STK33: variants seen among roughly 807,000 people sequenced by gnomAD.
STK33 encodes the protein serine/threonine kinase 33, also known as serine/threonine-protein kinase 33.
STK33 carries 52 observed loss-of-function variants against 58.0 expected under a neutral mutation model. That is an observed-to-expected ratio of 0.90 (90% CI 0.72 to 1.13). The LOEUF (loss-of-function observed/expected upper bound fraction) is 1.13, where lower values mean the gene tolerates loss of function less well. STK33 is among the 50% of genes most tolerant of loss of function. The probability of loss-of-function intolerance (pLI) is 0.00; values close to 1 mark genes in which losing one functional copy is unlikely to be tolerated. For synonymous variants in STK33, 215 were observed against 200.1 expected (o/e 1.07, Z -0.63); for missense variants, 630 against 604.2 (o/e 1.04, Z -0.45).
At chr11:8,460,927 T>C (rs760756649) in intron 8 of STK33, among the ~76,000 whole-genome samples, 6 of 152,162 alleles carry the variant, frequency 3.9e-5, no homozygotes, top group South Asian at 2.1e-4. Context: ...ACAACCCAAA[T>C]TGACTATTAC....
the STK33 span, among the ~76,000 whole-genome samples, chr11:8,363,855 A>G: frequency 2.0e-5 from 3 of 152,210 alleles, no homozygotes; most frequent in African/African-American, 7.2e-5. Flanking sequence ...ATTCTGATGC[A>G]ATTTTAGACA....
At chr11:8,508,266 C>CTTTTT (rs34759366) in intron 1 of STK33, among the ~76,000 whole-genome samples, 7,786 of 114,038 alleles carry the variant, frequency 0.068, 886 homozygotes, top group African/African-American at 0.21. Context: ...ACCTTCTATT[C>CTTTTT]TTTTTTTTTT....
chr11:8,413,322 G>A (rs1940595028), intron 15 of STK33, among the ~76,000 whole-genome samples, 173 bp downstream of exon 15: 2 of 152,142 alleles, frequency 1.3e-5, no homozygotes, highest in South Asian at 4.1e-4. Context: ...TAAACATGTA[G>A]GCCACCTCGC....
intron 11 of STK33, among the ~76,000 whole-genome samples, chr11:8,443,912 T>C (rs760490153): frequency 2.0e-5 from 3 of 151,986 alleles, no homozygotes; most frequent in Non-Finnish European, 4.4e-5. Context: ...GAGGCTGAGG[T>C]GGGAGGAACG....
At chr11:8,591,041 A>C (rs2141598453) in intron 1 of STK33, among the ~76,000 whole-genome samples, 1 of 152,346 alleles carries the variant, frequency 6.6e-6, no homozygotes, top group Non-Finnish European at 1.5e-5. Context: ...CAGAGAACAC[A>C]TCTTCTCTTT....
chr11:8,395,139 C>G (rs1849114524), intron 15 of STK33, among the ~76,000 whole-genome samples: 1 of 152,184 alleles, frequency 6.6e-6, no homozygotes, highest in Non-Finnish European at 1.5e-5. Context: ...TCCTATGGTT[C>G]AATCTAATTC....
chr11:8,451,386 A>G (rs1294686144), intron 11 of STK33, among the ~76,000 whole-genome samples: 4 of 152,242 alleles, frequency 2.6e-5, no homozygotes, highest in South Asian at 2.1e-4. Flanking sequence ...CACGCAATGG[A>G]CAACTATTCA....
At chr11:8,403,586 G>A (rs1467030990) in intron 15 of STK33, among the ~76,000 whole-genome samples, 2 of 152,166 alleles carry the variant, frequency 1.3e-5, no homozygotes, top group Non-Finnish European at 2.9e-5. Flanking sequence ...TTCATCTCTG[G>A]CAAATTCTTA....
At chr11:8,435,224 T>A (rs1326541390) in intron 14 of STK33, among the ~76,000 whole-genome samples, 1 of 152,162 alleles carries the variant, frequency 6.6e-6, no homozygotes, top group Non-Finnish European at 1.5e-5. Context: ...CTGGACATTT[T>A]TCAGCTCTGT....
intron 11 of STK33, among the ~76,000 whole-genome samples, chr11:8,448,738 C>T (rs1170294423): frequency 6.6e-6 from 1 of 152,104 alleles, no homozygotes; most frequent in African/African-American, 2.4e-5. Flanking sequence ...GACTTCATGT[C>T]TAAAACACCA....
chr11:8,557,295 A>AAGAGGAGAGG (rs1956828154), intron 1 of STK33, among the ~76,000 whole-genome samples: 1 of 69,040 alleles, frequency 1.4e-5, no homozygotes, highest in Non-Finnish European at 2.8e-5. Flanking sequence ...GGGAGGAGAG[A>AAGAGGAGAGG]AGAGGAGAGG....
At chr11:8,456,265 T>C (rs1230973266) in intron 9 of STK33, among the ~76,000 whole-genome samples, 1 of 152,232 alleles carries the variant, frequency 6.6e-6, no homozygotes, top group Admixed American at 6.5e-5. Flanking sequence ...TTTCTGAGTT[T>C]GTATTCCTCA....
In STK33 at chr11:8,392,426, G is replaced by A; in HGVS notation, c.*84C>T. On this transcript the variant is annotated 3_prime_UTR_variant, in exon 16 of 16. Transcript: ENST00000687296. ...TAAAAGGCTACAAGCTCAGCATAGG[G>A]CTGTCTTCTTCCCCTCCTACCCCCT... is the stretch of plus-strand genomic sequence containing the variant. 6.7e-7 allele frequency: 1 copy of A among 1,488,966 alleles called. No individual in the cohort carries two copies. Among genetic ancestry groups the A allele is most frequent in the South Asian group, 1.2e-5 (1 of 85,700 alleles). The allele number at this position is 1,488,966 out of a possible 1,614,324, so 92.2% of individuals were successfully genotyped here. A position where few individuals can be genotyped will look rare whatever the true frequency, so the allele number is the denominator to read the frequency against.
chr11:8,444,980 C>T (rs1451152336), intron 11 of STK33, among the ~76,000 whole-genome samples: 1 of 152,160 alleles, frequency 6.6e-6, no homozygotes, highest in African/African-American at 2.4e-5. Flanking sequence ...TTACTTTGGA[C>T]ACTATGGCGA....
chr11:8,516,227 A>C (rs1171590926), intron 1 of STK33, among the ~76,000 whole-genome samples: 4 of 152,252 alleles, frequency 2.6e-5, no homozygotes, highest in African/African-American at 9.6e-5. Flanking sequence ...AATGGAACAG[A>C]ATAGAGATCC....
chr11:8,447,570 T>C (rs111961621), intron 11 of STK33, among the ~76,000 whole-genome samples: 1 of 152,310 alleles, frequency 6.6e-6, no homozygotes, highest in East Asian at 1.9e-4. Flanking sequence ...GAAAAGGCCT[T>C]TGACAAAATT....
intron 11 of STK33, among the ~76,000 whole-genome samples, chr11:8,447,136 A>G (rs986691706): frequency 3.3e-5 from 5 of 152,158 alleles, no homozygotes; most frequent in Non-Finnish European, 7.4e-5. Context: ...CAACCCCATC[A>G]AAACGTGGGC....
In STK33 at chr11:8,474,451, G is replaced by A. The variant is rs757509140; in HGVS notation, c.225+230C>T. ...TTAAAAAAAGAAGTTGGTATAACGT[G>A]TTTAATTACCTCATGTCCTGAGAAA... On this transcript the variant is annotated intron_variant, in intron 5 of 15. Transcript: ENST00000687296. Among the ~76,000 whole-genome samples the A allele has an allele frequency of 3.3e-4, 50 of 152,248 alleles. 1 individual carries two copies. The highest frequency in any genetic ancestry group is 2.7e-3 in the East Asian group (14 of 5,176).
chr11:8,422,151 G>A (rs887884220), intron 14 of STK33, among the ~76,000 whole-genome samples: 2 of 152,030 alleles, frequency 1.3e-5, no homozygotes, highest in Non-Finnish European at 2.9e-5. Flanking sequence ...TCAGGTTAAG[G>A]AAGTTTTCTT....
Sources: allele counts gnomAD v4.1 joint callset (sites outside exome capture counted in the v4.1 genomes callset), GRCh38; gene constraint gnomAD v4.1.1; transcripts MANE v1.5; gene names NCBI Gene and HGNC (gene_info 2026-07-23, HGNC 2026-07-21).